SNTG1: variants seen among roughly 807,000 people sequenced by gnomAD.
SNTG1 encodes gamma-1-syntrophin.
A neutral mutation model predicts 74.7 loss-of-function variants in SNTG1; 39 were observed. The observed-to-expected ratio is 0.52, with a 90% CI of 0.40 to 0.68. The LOEUF is 0.68. Among genes scored for constraint, SNTG1 ranks in the 30% least tolerant of loss-of-function variants. The probability of loss-of-function intolerance (pLI) is 0.00; values close to 1 mark genes in which losing one functional copy is unlikely to be tolerated. For missense variants in SNTG1, 685 were observed against 609.5 expected, an observed-to-expected ratio of 1.12 and a Z score of -1.30; for synonymous variants, 254 against 217.1, an observed-to-expected ratio of 1.17 and a Z score of -1.49.
chr8:50,546,746 T>C (rs2094391179), intron 11 of SNTG1, among the ~76,000 whole-genome samples: 1 of 152,130 alleles, frequency 6.6e-6, no homozygotes, highest in Non-Finnish European at 1.5e-5. Context: ...TATTCCATGA[T>C]GTATATGTGC....
Position 50,237,321 on chromosome 8 carries a change from G to A in SNTG1, c.-28+64686G>A, listed in dbSNP as rs375400684. ...GGAGCTCTAAGGTTGATAAAATTCGGGTTCCATTATTTTTGGCAAGAATAC... is the reference window on the plus strand; with the variant it reads ...GGAGCTCTAAGGTTGATAAAATTCGAGTTCCATTATTTTTGGCAAGAATAC... On this transcript the variant is annotated intron_variant, in intron 2 of 18. Coordinates refer to ENST00000642720, the MANE Select transcript of SNTG1 (RefSeq NM_018967.5). Among the ~76,000 whole-genome samples the A allele has an allele frequency of 4.6e-5, 7 of 151,980 alleles. 2 individuals carry two copies. Among genetic ancestry groups the A allele is most frequent in the Admixed American group, 6.5e-5 (1 of 15,272 alleles).
At chr8:50,647,223 A>G (rs772890118) in intron 13 of SNTG1, among the ~76,000 whole-genome samples, 1 of 152,162 alleles carries the variant, frequency 6.6e-6, no homozygotes, top group Non-Finnish European at 1.5e-5. Context: ...GGACCCCATT[A>G]AAGGTAAAAT....
At chr8:50,079,874 T>G (rs1172363825) in intron 1 of SNTG1, among the ~76,000 whole-genome samples, 3 of 152,202 alleles carry the variant, frequency 2.0e-5, no homozygotes, top group African/African-American at 7.2e-5. Flanking sequence ...GTGGTGTTAT[T>G]TCTGAGGCTT....
At chr8:50,777,208 A>G (rs1174324705) in intron 18 of SNTG1, among the ~76,000 whole-genome samples, 14 of 144,286 alleles carry the variant, frequency 9.7e-5, no homozygotes, top group Non-Finnish European at 1.9e-4. Context: ...GACTCTGAAG[A>G]CATGAATAGC....
At chr8:50,755,812 T>C (rs1350727277) in intron 18 of SNTG1, among the ~76,000 whole-genome samples, 1 of 151,898 alleles carries the variant, frequency 6.6e-6, no homozygotes, top group Non-Finnish European at 1.5e-5. Flanking sequence ...AGGTGTGTAG[T>C]GGTATATTAT....
intron 1 of SNTG1, among the ~76,000 whole-genome samples, chr8:50,170,352 A>T (rs2082763091): frequency 6.6e-6 from 1 of 152,224 alleles, no homozygotes; most frequent in African/African-American, 2.4e-5. Flanking sequence ...GTCTAAAATT[A>T]TTTCACATAA....
intron 2 of SNTG1, among the ~76,000 whole-genome samples, chr8:50,184,247 C>A (rs187117090): frequency 6.6e-6 from 1 of 151,304 alleles, no homozygotes; most frequent in Non-Finnish European, 1.5e-5. Context: ...CTCACTGCAA[C>A]CTCCGCTGCC....
intron 1 of SNTG1, among the ~76,000 whole-genome samples, chr8:50,117,073 G>T (rs911439716): frequency 6.6e-6 from 1 of 151,772 alleles, no homozygotes; most frequent in African/African-American, 2.4e-5. Flanking sequence ...TTAACATCAC[G>T]GTTTACATTT....
At chr8:50,739,956 A>G (rs1243974948) in intron 17 of SNTG1, among the ~76,000 whole-genome samples, 2 of 151,960 alleles carry the variant, frequency 1.3e-5, no homozygotes, top group African/African-American at 4.8e-5. Flanking sequence ...TTTTTGCACC[A>G]TATACCAAAA....
chr8:49,978,910 C>A (rs74477334), intron 1 of SNTG1, among the ~76,000 whole-genome samples: 3 of 152,098 alleles, frequency 2.0e-5, no homozygotes, highest in African/African-American at 7.2e-5. Context: ...TGACCCTAGA[C>A]GTCAGTGTCA....
At chr8:50,093,322 C>A (rs1435005090) in intron 1 of SNTG1, among the ~76,000 whole-genome samples, 3 of 152,028 alleles carry the variant, frequency 2.0e-5, no homozygotes, top group Non-Finnish European at 4.4e-5. Flanking sequence ...AACAATCATC[C>A]ATTAAAGTGT....
chr8:50,125,729 C>T (rs2081117344), intron 1 of SNTG1, among the ~76,000 whole-genome samples: 1 of 96,812 alleles, frequency 1.0e-5, no homozygotes. Flanking sequence ...TGTACAGTGA[C>T]TTGTTTCCTA....
At chr8:50,039,412 G>A (rs1207236507) in intron 1 of SNTG1, among the ~76,000 whole-genome samples, 1 of 136,328 alleles carries the variant, frequency 7.3e-6, no homozygotes, top group African/African-American at 2.8e-5. Context: ...CCGAGATCGC[G>A]CCACGGCACT....
chr8:50,736,116 AG>A lies in SNTG1; in HGVS notation c.1285-15883del, dbSNP rs550900939. Among the ~76,000 whole-genome samples the A allele has an allele frequency of 1.4e-4, 22 of 152,254 alleles. No homozygotes were observed. The South Asian group carries it at 4.6e-3, about 32-fold the overall frequency. Reference sequence around the variant, plus strand: ...AGGCCTGCCTTACCAGAGCTCCTGAAGGAAGTACTAAATATGGAAAGGAAAA... The same window carrying A: ...AGGCCTGCCTTACCAGAGCTCCTGAAGAAGTACTAAATATGGAAAGGAAAA... On this transcript the variant is annotated intron_variant, in intron 17 of 18. Transcript: ENST00000642720.
intron 17 of SNTG1, among the ~76,000 whole-genome samples, chr8:50,714,534 A>G (rs1208936557): frequency 6.6e-6 from 1 of 152,134 alleles, no homozygotes; most frequent in Non-Finnish European, 1.5e-5. Flanking sequence ...TCACAGAATC[A>G]GATTTCAGAT....
intron 8 of SNTG1, among the ~76,000 whole-genome samples, chr8:50,501,041 AGTGC>A (rs1203064191): frequency 6.6e-6 from 1 of 152,122 alleles, no homozygotes; most frequent in African/African-American, 2.4e-5. Context: ...CTAGTTACAC[AGTGC>A]CTCTGAGTGG....
intron 1 of SNTG1, among the ~76,000 whole-genome samples, chr8:50,169,058 T>A (rs1298577095): frequency 1.3e-5 from 2 of 152,212 alleles, no homozygotes; most frequent in African/African-American, 4.8e-5. Flanking sequence ...TGTTTCACAT[T>A]TTTATATAGA....
At chr8:50,253,680 C>G (rs1786306497) in intron 2 of SNTG1, among the ~76,000 whole-genome samples, 1 of 151,604 alleles carries the variant, frequency 6.6e-6, no homozygotes, top group African/African-American at 2.4e-5. Flanking sequence ...TATGTATACA[C>G]ACACACATAT....
intron 1 of SNTG1, among the ~76,000 whole-genome samples, chr8:50,119,327 G>A (rs765630870): frequency 1.4e-5 from 2 of 139,510 alleles, no homozygotes; most frequent in Non-Finnish European, 3.2e-5. Context: ...TGACATGGCC[G>A]GGAAATGGCC....
Sources: allele counts gnomAD v4.1 joint callset (sites outside exome capture counted in the v4.1 genomes callset), GRCh38; gene constraint gnomAD v4.1.1; transcripts MANE v1.5; gene names NCBI Gene and HGNC (gene_info 2026-07-23, HGNC 2026-07-21).